The following RUNX1T1 variants were observed in gnomAD, a reference collection of about 807,000 sequenced individuals.
RUNX1T1 encodes RUNX1 partner transcriptional co-repressor 1.
A neutral mutation model predicts 62.8 loss-of-function variants in RUNX1T1; 4 were observed. The observed-to-expected ratio is 0.06, with a 90% confidence interval of 0.03 to 0.15. RUNX1T1 has a LOEUF of 0.15. Ranked by LOEUF, RUNX1T1 falls within the 10% of genes least tolerant of loss-of-function variation. The pLI, the probability that RUNX1T1 is intolerant of heterozygous loss-of-function variation, is 1.00. For synonymous variants in RUNX1T1, 291 were observed against 286.0 expected, an observed-to-expected ratio of 1.02 and a Z score of -0.18; for missense variants, 508 against 754.3, an observed-to-expected ratio of 0.67 and a Z score of 3.82.
chr8:91,963,955 TA>T (rs1319329932), intron 10 of RUNX1T1, among the ~76,000 whole-genome samples: 1 of 152,228 alleles, frequency 6.6e-6, no homozygotes, highest in East Asian at 1.9e-4. Context: ...CACTTTATAG[TA>T]TTCCTTTATT....
chr8:91,973,785 A>G (rs1462572470), intron 9 of RUNX1T1, among the ~76,000 whole-genome samples: 1 of 152,064 alleles, frequency 6.6e-6, no homozygotes, highest in Admixed American at 6.5e-5. Context: ...GATAAATATT[A>G]TAAGTAGTTA....
intron 5 of RUNX1T1, among the ~76,000 whole-genome samples, chr8:91,998,664 T>C (rs1379785838): frequency 6.6e-6 from 1 of 152,184 alleles, no homozygotes; most frequent in Admixed American, 6.5e-5. Flanking sequence ...GCTCAACAGT[T>C]AGGCTGTTAC....
chr8:91,981,591 A>G (rs1815288556), intron 8 of RUNX1T1, among the ~76,000 whole-genome samples: 3 of 150,706 alleles, frequency 2.0e-5, no homozygotes, highest in Non-Finnish European at 4.4e-5. Context: ...AATTTTTTTT[A>G]TTTTTAGCAT....
intron 1 of RUNX1T1, among the ~76,000 whole-genome samples, chr8:92,038,419 A>C (rs151285147): frequency 7.7e-4 from 117 of 152,258 alleles, no homozygotes; most frequent in Non-Finnish European, 1.4e-3. Flanking sequence ...AAAAGAAACA[A>C]GGAGATGTCA....
At chr8:92,029,617 G>T (rs1825866570) in intron 1 of RUNX1T1, among the ~76,000 whole-genome samples, 1 of 152,092 alleles carries the variant, frequency 6.6e-6, no homozygotes, top group Admixed American at 6.6e-5. Flanking sequence ...ATCCCAAGTA[G>T]CTTCGTCTCC....
Position 91,970,890 on chromosome 8 carries a change from C to A in RUNX1T1, c.1268-42G>T, listed in dbSNP as rs768619427. ...CCAAACCAGACAAGAAAACACCTCT[C>A]AGTTAGCCGAAGTCATTGGATACGG... is the stretch of plus-strand genomic sequence containing the variant. On this transcript the variant is annotated intron_variant, in intron 9 of 10. Coordinates refer to ENST00000396218, the Ensembl canonical transcript of RUNX1T1. 4 of 1,501,310 alleles carry A rather than the reference C, an allele frequency of 2.7e-6. No homozygotes were observed. The South Asian group carries it at 5.1e-5, about 19-fold the overall frequency. The allele number at this position is 1,501,310 out of a possible 1,614,324, so 93.0% of individuals were successfully genotyped here.
At chr8:91,968,679 A>T (rs527696173) in intron 10 of RUNX1T1, among the ~76,000 whole-genome samples, 1 of 152,310 alleles carries the variant, frequency 6.6e-6, no homozygotes, top group Admixed American at 6.5e-5. Context: ...TGCATACAAA[A>T]ATTATCTTAA....
intron 3 of RUNX1T1, among the ~76,000 whole-genome samples, chr8:92,012,414 G>A (rs1822124834): frequency 6.6e-6 from 1 of 152,030 alleles, no homozygotes; most frequent in African/African-American, 2.4e-5. Flanking sequence ...TGTGCCTCTA[G>A]TTTCAGGGGA....
chr8:92,097,445 C>T (rs900490377), intron 1 of RUNX1T1, among the ~76,000 whole-genome samples: 1 of 152,004 alleles, frequency 6.6e-6, no homozygotes, highest in African/African-American at 2.4e-5. Context: ...TCAGAGTAAC[C>T]GAAAGCAACC....
chr8:92,011,046 C>T, exon 4 of RUNX1T1: 1 of 1,611,178 alleles, frequency 6.2e-7, no homozygotes, highest in Non-Finnish European at 8.5e-7. Flanking sequence ...AAGTTAGTAG[C>T]TTCTTGCAGT....
chr8:92,102,349 G>A (rs569033611), upstream of RUNX1T1, among the ~76,000 whole-genome samples: 1 of 151,202 alleles, frequency 6.6e-6, no homozygotes, highest in African/African-American at 2.4e-5. This position sits in a 1 kb window ranked among gnomAD's most constrained non-coding sequence, Gnocchi z 4.5. Flanking sequence ...TTAAGATCCC[G>A]CCTCTTTACT....
At chr8:92,023,075 G>A (rs1824426505) in intron 1 of RUNX1T1, among the ~76,000 whole-genome samples, 3 of 152,088 alleles carry the variant, frequency 2.0e-5, no homozygotes, top group Admixed American at 2.0e-4. Context: ...TGGGTGATGT[G>A]ATTCGATTCT....
chr8:92,008,388 T>TCACACA (rs566293413), intron 4 of RUNX1T1, among the ~76,000 whole-genome samples: 20,373 of 131,646 alleles, frequency 0.15, 1,717 homozygotes, highest in African/African-American at 0.21. Flanking sequence ...TCTCTCTCTC[T>TCACACA]CACACACACA....
chr8:91,992,442 T>C (rs1289497806), intron 5 of RUNX1T1, among the ~76,000 whole-genome samples: 1 of 152,226 alleles, frequency 6.6e-6, no homozygotes, highest in East Asian at 1.9e-4. Context: ...AATTCAGTTC[T>C]TCAGTATCAC....
chr8:92,042,490 T>A (rs1215488879), intron 1 of RUNX1T1, among the ~76,000 whole-genome samples: 2 of 152,042 alleles, frequency 1.3e-5, no homozygotes, highest in Non-Finnish European at 2.9e-5. Context: ...GCTAATTTTT[T>A]AATTTTTCTT....
At chr8:92,019,526 A>C (rs547235393) in intron 1 of RUNX1T1, among the ~76,000 whole-genome samples, 1 of 152,252 alleles carries the variant, frequency 6.6e-6, no homozygotes, top group Admixed American at 6.5e-5. Context: ...TGGGGGAGTA[A>C]GTTACCCTCA....
chr8:92,017,432 CT>C, intron 1 of RUNX1T1, 69 bp from the exon 3 acceptor site: 1 of 1,611,664 alleles, frequency 6.2e-7, no homozygotes. Context: ...TGGGGTTTAT[CT>C]TTTTTAAAAG....
At chr8:92,089,298 C>A (rs1413864093) in intron 1 of RUNX1T1, among the ~76,000 whole-genome samples, 1 of 152,118 alleles carries the variant, frequency 6.6e-6, no homozygotes, top group Non-Finnish European at 1.5e-5. Flanking sequence ...AACTAAAGTA[C>A]AAAATCAATA....
chr8:92,086,027 A>G (rs1398238153), intron 1 of RUNX1T1, among the ~76,000 whole-genome samples: 1 of 152,208 alleles, frequency 6.6e-6, no homozygotes, highest in Non-Finnish European at 1.5e-5. Context: ...CATTTAGAGT[A>G]GATTTGAAAA....
Sources: gnomAD v4.1 joint callset for allele counts (sites outside exome capture counted in the v4.1 genomes callset) on GRCh38, gnomAD v4.1.1 for gene constraint, Gnocchi (gnomAD v3.1) non-coding constraint, MANE v1.5 for transcripts, NCBI Gene and HGNC (gene_info 2026-07-23, HGNC 2026-07-21) for gene names.